RSPH14: variants seen among roughly 807,000 people sequenced by gnomAD.
The protein encoded by RSPH14 is radial spoke head 14 homolog, also known as rhabdoid tumor deletion region gene 1.
In RSPH14, 20 loss-of-function variants were observed where a neutral mutation model predicts 26.7. That is an observed-to-expected ratio of 0.75 (90% confidence interval 0.53 to 1.09). The LOEUF is 1.09. RSPH14 is among the 50% of genes least tolerant of loss of function. RSPH14 has a pLI of 0.00. For synonymous variants in RSPH14, 177 were observed against 189.3 expected, an observed-to-expected ratio of 0.93 and a Z score of 0.53; for missense variants, 449 against 457.2, an observed-to-expected ratio of 0.98 and a Z score of 0.16.
chr22:23,133,468 G>A (rs974724788), intron 4 of RSPH14, among the ~76,000 whole-genome samples: 9 of 152,238 alleles, frequency 5.9e-5, no homozygotes, highest in African/African-American at 1.7e-4. Flanking sequence ...GGGCATGTGG[G>A]AAGTTTCTGG....
intron 4 of RSPH14, among the ~76,000 whole-genome samples, chr22:23,106,582 G>A (rs2069484255): frequency 6.6e-6 from 1 of 152,222 alleles, no homozygotes; most frequent in Non-Finnish European, 1.5e-5. Context: ...CCCTCCCCTG[G>A]CTAGTGAGGA....
At chr22:23,149,227 T>C (rs1054445945), upstream of RSPH14, among the ~76,000 whole-genome samples, 1 of 151,964 alleles carries the variant, frequency 6.6e-6, no homozygotes, top group African/African-American at 2.4e-5. Flanking sequence ...ACCCTTGCCA[T>C]ACACAGATCA....
intron 4 of RSPH14, among the ~76,000 whole-genome samples, chr22:23,072,018 A>G (rs1321334727): frequency 1.3e-5 from 2 of 152,092 alleles, no homozygotes; most frequent in African/African-American, 4.8e-5. Context: ...CGGCTTCCTC[A>G]TCTGTAAAAG....
intron 4 of RSPH14, among the ~76,000 whole-genome samples, chr22:23,109,842 G>T (rs1315502231): frequency 6.6e-6 from 1 of 152,194 alleles, no homozygotes; most frequent in African/African-American, 2.4e-5. Flanking sequence ...CTGCTGGGAG[G>T]CAGGACCCAG....
At chr22:23,154,469 A>G in the RSPH14 span, among the ~76,000 whole-genome samples, 8 of 152,258 alleles carry the variant, frequency 5.3e-5, no homozygotes, top group Non-Finnish European at 1.0e-4. Flanking sequence ...CAGGCCAGTC[A>G]AGAGCAAAGG....
At chr22:23,081,229 G>A (rs2068668865) in intron 4 of RSPH14, among the ~76,000 whole-genome samples, 1 of 152,214 alleles carries the variant, frequency 6.6e-6, no homozygotes, top group African/African-American at 2.4e-5. Context: ...CACCTCACTT[G>A]TGTTGGAAAA....
chr22:23,093,427 G>A (rs536714737), intron 4 of RSPH14, among the ~76,000 whole-genome samples: 6 of 152,354 alleles, frequency 3.9e-5, no homozygotes, highest in African/African-American at 9.6e-5. Flanking sequence ...AGTGGGGAAC[G>A]AGGCCAGGAC....
chr22:23,176,493 A>T, the RSPH14 span, among the ~76,000 whole-genome samples: 4 of 152,146 alleles, frequency 2.6e-5, no homozygotes, highest in African/African-American at 9.7e-5. Flanking sequence ...AGGCCTTTGC[A>T]GCCTCTATAC....
the RSPH14 span, among the ~76,000 whole-genome samples, chr22:23,173,128 CTTTCT>C: frequency 6.6e-6 from 1 of 151,884 alleles, no homozygotes; most frequent in Non-Finnish European, 1.5e-5. Context: ...CAGTTTCTTT[CTTTCT>C]TTTTTTCTTT....
the RSPH14 span, chr22:23,152,331 G>C: frequency 2.1e-4 from 182 of 868,382 alleles, 1 homozygote; most frequent in African/African-American, 2.6e-3. Flanking sequence ...GTCTCAGCAG[G>C]GTGGCCCATC....
intron 1 of RSPH14, among the ~76,000 whole-genome samples, chr22:23,141,120 A>G (rs1467180419): frequency 6.6e-6 from 1 of 152,144 alleles, no homozygotes; most frequent in Non-Finnish European, 1.5e-5. Flanking sequence ...CACAAGGTCA[A>G]GAGATCGAGA....
intron 6 of RSPH14, 134 bp from the exon 7 acceptor site, chr22:23,059,852 C>G (rs1039925560): frequency 1.0e-6 from 1 of 961,814 alleles, no homozygotes; most frequent in Admixed American, 3.2e-5. Flanking sequence ...GCCCCACCAA[C>G]ATGCCCTCAC....
At chr22:23,178,774 T>G in the RSPH14 span, among the ~76,000 whole-genome samples, 4 of 152,224 alleles carry the variant, frequency 2.6e-5, no homozygotes, top group African/African-American at 9.6e-5. Flanking sequence ...GTTTTATGTT[T>G]GCCCCATCTG....
At chr22:23,162,279 C>T in the RSPH14 span, 2 of 239,210 alleles carry the variant, frequency 8.4e-6, no homozygotes, top group Non-Finnish European at 1.7e-5. Flanking sequence ...CCAGGATGTG[C>T]AGAACAACCA....
chr22:23,086,305 C>T (rs2068818873), intron 4 of RSPH14, among the ~76,000 whole-genome samples: 1 of 152,212 alleles, frequency 6.6e-6, no homozygotes, highest in Non-Finnish European at 1.5e-5. Context: ...CCCGGGAAAT[C>T]ACCTCCATCT....
At chr22:23,074,255 C>T (rs2068452140) in intron 4 of RSPH14, among the ~76,000 whole-genome samples, 2 of 152,122 alleles carry the variant, frequency 1.3e-5, no homozygotes, top group African/African-American at 4.8e-5. Context: ...TGGGGTAAGG[C>T]TGGGGGCCAT....
At chr22:23,177,987 G>A in the RSPH14 span, among the ~76,000 whole-genome samples, 1 of 152,306 alleles carries the variant, frequency 6.6e-6, no homozygotes, top group East Asian at 1.9e-4. Context: ...TTTTTGTAGA[G>A]ATGGAGTCTC....
intron 4 of RSPH14, chr22:23,131,589 A>G: frequency 7.7e-7 from 1 of 1,301,768 alleles, no homozygotes; most frequent in Non-Finnish European, 1.0e-6. Context: ...GGTCACAATC[A>G]TTGTAAGAGG....
chr22:23,062,447 A>G (rs981678475), intron 5 of RSPH14, among the ~76,000 whole-genome samples: 1 of 152,118 alleles, frequency 6.6e-6, no homozygotes, highest in African/African-American at 2.4e-5. Flanking sequence ...AACTCCCCAA[A>G]AGTTTCCTGA....
Sources: gnomAD v4.1 joint callset for allele counts (sites outside exome capture counted in the v4.1 genomes callset) on GRCh38, gnomAD v4.1.1 for gene constraint, MANE v1.5 for transcripts, NCBI Gene and HGNC (gene_info 2026-07-23, HGNC 2026-07-21) for gene names.